LUZP2: variants seen among roughly 807,000 people sequenced by gnomAD.
LUZP2 encodes the protein leucine zipper protein 2.
LUZP2 carries 52 observed loss-of-function variants against 51.6 expected under a neutral mutation model. The ratio of observed to expected loss-of-function variants is 1.01; its 90% CI spans 0.81 to 1.27. The LOEUF (loss-of-function observed/expected upper bound fraction) is 1.27. Among genes scored for constraint, LUZP2 ranks in the 50% most tolerant of loss-of-function variants. The pLI is 0.00. For synonymous variants in LUZP2, 154 were observed against 137.3 expected (o/e 1.12, Z -0.85); for missense variants, 436 against 395.4 (o/e 1.10, Z -0.87).
chr11:24,950,530 C>A (rs1855045239), intron 7 of LUZP2, among the ~76,000 whole-genome samples: 1 of 151,490 alleles, frequency 6.6e-6, no homozygotes. Context: ...ATGAGGCATG[C>A]AACCTCTCTA....
At chr11:25,003,450 G>T (rs1024573872) in intron 9 of LUZP2, among the ~76,000 whole-genome samples, 26 of 152,132 alleles carry the variant, frequency 1.7e-4, no homozygotes, top group Non-Finnish European at 1.0e-4. Context: ...GAGAGAGCAG[G>T]GTATAGGGGT....
chr11:24,608,308 C>G (rs1854002918), intron 1 of LUZP2, among the ~76,000 whole-genome samples: 1 of 152,254 alleles, frequency 6.6e-6, no homozygotes, highest in African/African-American at 2.4e-5. Context: ...TTCTACAAGG[C>G]AGACACAGAA....
intron 10 of LUZP2, among the ~76,000 whole-genome samples, chr11:25,058,603 C>G (rs1437923572): frequency 1.3e-5 from 2 of 152,064 alleles, no homozygotes; most frequent in Non-Finnish European, 1.5e-5. Context: ...GTATAAGGTT[C>G]TCATTTTGAA....
intron 3 of LUZP2, among the ~76,000 whole-genome samples, chr11:24,735,059 C>T (rs955277321): frequency 6.6e-6 from 1 of 151,882 alleles, no homozygotes; most frequent in African/African-American, 2.4e-5. Context: ...AACGTAGAGG[C>T]AACTAATAAG....
chr11:24,751,085 C>G (rs998512620), intron 4 of LUZP2, among the ~76,000 whole-genome samples: 4 of 152,206 alleles, frequency 2.6e-5, no homozygotes, highest in Admixed American at 2.6e-4. Context: ...TTTGACTCAT[C>G]ATCATCAGAA....
intron 9 of LUZP2, among the ~76,000 whole-genome samples, chr11:25,003,914 C>T (rs1856763277): frequency 1.3e-5 from 2 of 152,194 alleles, no homozygotes; most frequent in African/African-American, 4.8e-5. Context: ...AGAGCAAAGT[C>T]TCCCAATTAA....
chr11:25,016,703 T>G (rs955657172), intron 9 of LUZP2, among the ~76,000 whole-genome samples: 5 of 152,278 alleles, frequency 3.3e-5, no homozygotes, highest in Non-Finnish European at 5.9e-5. Flanking sequence ...GTTTCATAGC[T>G]TTGGAATTGT....
chr11:24,905,027 A>G (rs534729875), intron 5 of LUZP2, among the ~76,000 whole-genome samples: 9 of 152,332 alleles, frequency 5.9e-5, no homozygotes, highest in African/African-American at 2.2e-4. Context: ...AAATAAGTCC[A>G]TTATATAATG....
At chr11:24,982,548 A>G (rs1237328292) in intron 8 of LUZP2, among the ~76,000 whole-genome samples, 1 of 151,836 alleles carries the variant, frequency 6.6e-6, no homozygotes, top group Non-Finnish European at 1.5e-5. Flanking sequence ...AGGGAGCTAA[A>G]TGATGAGAAC....
At position 24,595,872 on chromosome 11, in the gene LUZP2, C is replaced by A. The variant is rs530145346; in HGVS notation, c.62+98567C>A. Among the ~76,000 whole-genome samples the A allele has an allele frequency of 3.9e-5, 6 of 152,272 alleles. No homozygotes were observed. In the East Asian group the frequency reaches 1.2e-3, roughly 29 times the overall value. ...ATAGGACAAGCCTCTGCTCCTGGGG[C>A]ACCCTGGCTCCAGACTGAGACATGG... On this transcript the variant is annotated intron_variant, in intron 1 of 11. Transcript: ENST00000336930.
At chr11:25,062,587 CAAA>C (rs1163708322) in intron 10 of LUZP2, among the ~76,000 whole-genome samples, 4 of 43,090 alleles carry the variant, frequency 9.3e-5, no homozygotes, top group Non-Finnish European at 2.1e-4. Flanking sequence ...AAGACCCTGT[CAAA>C]AAAAAAAAAA....
At chr11:25,051,528 C>G (rs1055607558) in intron 10 of LUZP2, among the ~76,000 whole-genome samples, 2 of 152,120 alleles carry the variant, frequency 1.3e-5, no homozygotes, top group African/African-American at 4.8e-5. Context: ...ACGGGTAGGT[C>G]TTTGACAGTG....
At chr11:24,931,338 G>T (rs539498669) in intron 7 of LUZP2, among the ~76,000 whole-genome samples, 59 of 152,220 alleles carry the variant, frequency 3.9e-4, no homozygotes, top group Middle Eastern at 3.4e-3. Context: ...GAGCTCCGAA[G>T]TTCTTTCTTC....
At chr11:24,780,102 C>T (rs1486698) in intron 5 of LUZP2, among the ~76,000 whole-genome samples, 109,630 of 151,974 alleles carry the variant, frequency 0.72, 40,052 homozygotes, top group East Asian at 0.86. Flanking sequence ...ATCACTCAAT[C>T]TGTGGTAATT....
In LUZP2 at chr11:24,922,837, C is replaced by CTTTTTTTTTTTTT. The variant is rs749672583; in HGVS notation, c.522+8317_522+8329dup. 2.4e-3 allele frequency among the ~76,000 whole-genome samples: 113 copies of CTTTTTTTTTTTTT among 47,348 alleles called. 3 individuals carry two copies. Among genetic ancestry groups the CTTTTTTTTTTTTT allele is most frequent in the Non-Finnish European group, 3.5e-3 (95 of 26,902 alleles). The allele number at this position is 47,348 out of a possible 152,430, so 31.1% of individuals were successfully genotyped here. On this transcript the variant is annotated intron_variant, in intron 7 of 11. Transcript: ENST00000336930. ...GGCACAGTTATATCTTTTTTTTTTTCTTTTTTTTTTTTTTTTTTTTTTTTT... is the reference window on the plus strand; with the variant it reads ...GGCACAGTTATATCTTTTTTTTTTTCTTTTTTTTTTTTTTTTTTTTTTTTTTTTTTTTTTTTTT...
intron 5 of LUZP2, among the ~76,000 whole-genome samples, chr11:24,779,279 A>G (rs75973122): frequency 0.024 from 3,627 of 152,306 alleles, 161 homozygotes; most frequent in African/African-American, 0.083. Flanking sequence ...AGCAGTTATC[A>G]ACTATTTTCT....
intron 10 of LUZP2, among the ~76,000 whole-genome samples, chr11:25,069,581 G>A (rs7117459): frequency 0.89 from 135,615 of 151,718 alleles, 61,727 homozygotes; most frequent in Non-Finnish European, 0.98. Flanking sequence ...GTGTGTGGGT[G>A]TATAAACTAA....
intron 10 of LUZP2, among the ~76,000 whole-genome samples, chr11:25,069,698 A>G (rs1859099683): frequency 6.6e-6 from 1 of 151,916 alleles, no homozygotes; most frequent in Non-Finnish European, 1.5e-5. Flanking sequence ...AGTAGTTTCA[A>G]TTCATTTTAT....
At chr11:24,702,550 G>C (rs550344936) in intron 1 of LUZP2, among the ~76,000 whole-genome samples, 4 of 152,258 alleles carry the variant, frequency 2.6e-5, no homozygotes, top group Non-Finnish European at 5.9e-5. Flanking sequence ...CATATGGTGA[G>C]AGCAGGAACC....
Sources: gnomAD v4.1 joint callset for allele counts (sites outside exome capture counted in the v4.1 genomes callset) on GRCh38, gnomAD v4.1.1 for gene constraint, MANE v1.5 for transcripts, NCBI Gene and HGNC (gene_info 2026-07-23, HGNC 2026-07-21) for gene names.